SLMAP: variants seen among roughly 807,000 people sequenced by gnomAD.
SLMAP encodes sarcolemma associated protein, also known as sarcolemmal membrane-associated protein.
In SLMAP, 44 loss-of-function variants were observed where a neutral mutation model predicts 128.8. The ratio of observed to expected loss-of-function variants is 0.34; its 90% CI spans 0.27 to 0.44. The LOEUF (loss-of-function observed/expected upper bound fraction) is 0.44. Among genes scored for constraint, SLMAP ranks in the 20% least tolerant of loss-of-function variants. The pLI, the probability that SLMAP is intolerant of heterozygous loss-of-function variation, is 1.00. For synonymous variants in SLMAP, 327 were observed against 348.8 expected (o/e 0.94, Z 0.70); for missense variants, 787 against 985.3 (o/e 0.80, Z 2.69).
intron 17 of SLMAP, chr3:57,898,453 C>A (rs981481827): frequency 2.0e-5 from 3 of 151,566 alleles, no homozygotes; most frequent in Non-Finnish European, 4.4e-5. Flanking sequence ...TTCTTTTTTT[C>A]TTTTTGTAGG....
chr3:57,766,814 T>A (rs2079831548), intron 2 of SLMAP, among the ~76,000 whole-genome samples: 1 of 152,214 alleles, frequency 6.6e-6, no homozygotes. Context: ...TCAGTTCCAA[T>A]GTGAAACCTT....
chr3:57,823,954 A>T (rs2092732433), intron 2 of SLMAP, among the ~76,000 whole-genome samples: 1 of 152,084 alleles, frequency 6.6e-6, no homozygotes, highest in Admixed American at 6.6e-5. Flanking sequence ...TTTGATTTGC[A>T]TTTCTCTGAT....
intron 2 of SLMAP, among the ~76,000 whole-genome samples, chr3:57,767,970 A>G (rs1307352223): frequency 6.6e-6 from 1 of 152,220 alleles, no homozygotes; most frequent in Non-Finnish European, 1.5e-5. Flanking sequence ...GAGTCAGCTA[A>G]CATTTTTAAA....
chr3:57,904,123 G>GTTAT (rs1200686156), intron 17 of SLMAP, among the ~76,000 whole-genome samples: 1,921 of 152,274 alleles, frequency 0.013, 28 homozygotes, highest in African/African-American at 0.044. Context: ...CGATTTGTTT[G>GTTAT]AATATAGTCA....
intron 17 of SLMAP, chr3:57,898,741 C>T (rs968574494): frequency 1.3e-5 from 2 of 152,172 alleles, no homozygotes. Flanking sequence ...TATAAAGACA[C>T]AAGAGCATTA....
intron 2 of SLMAP, among the ~76,000 whole-genome samples, chr3:57,797,100 T>C (rs1443942307): frequency 4.0e-5 from 6 of 150,522 alleles, no homozygotes; most frequent in Admixed American, 2.7e-4. Context: ...AAGGATCACT[T>C]GAGCCCAGGA....
chr3:57,785,861 T>C (rs927644260), intron 2 of SLMAP, among the ~76,000 whole-genome samples: 1 of 152,232 alleles, frequency 6.6e-6, no homozygotes, highest in Non-Finnish European at 1.5e-5. Context: ...TATTTTTGTA[T>C]AACATTTTCA....
chr3:57,815,766 C>T (rs1055124076), intron 2 of SLMAP, among the ~76,000 whole-genome samples: 1 of 151,978 alleles, frequency 6.6e-6, no homozygotes, highest in Admixed American at 6.6e-5. Context: ...GGCACTGCAC[C>T]AGCCTTTTTA....
intron 2 of SLMAP, among the ~76,000 whole-genome samples, chr3:57,762,183 A>G (rs913755446): frequency 6.6e-6 from 1 of 151,912 alleles, no homozygotes; most frequent in Non-Finnish European, 1.5e-5. Flanking sequence ...CCTGGCTAAC[A>G]CGGTGAAACC....
At chr3:57,792,147 T>C (rs1198359977) in intron 2 of SLMAP, among the ~76,000 whole-genome samples, 1 of 152,082 alleles carries the variant, frequency 6.6e-6, no homozygotes, top group Non-Finnish European at 1.5e-5. Context: ...TGAGTAAATA[T>C]TTAGATGCGA....
At chr3:57,897,283 G>A (rs955628847) in intron 17 of SLMAP, 40 of 368,516 alleles carry the variant, frequency 1.1e-4, no homozygotes, top group Non-Finnish European at 1.7e-4. Flanking sequence ...AAGACTCACC[G>A]GTTTACTCTG....
intron 6 of SLMAP, among the ~76,000 whole-genome samples, chr3:57,852,695 A>G (rs1190878979): frequency 1.3e-5 from 2 of 152,196 alleles, no homozygotes; most frequent in Non-Finnish European, 2.9e-5. Flanking sequence ...TTTAAACCTC[A>G]TTTTTCATAT....
At chr3:57,869,645 T>TATATAC (rs2095429428) in intron 13 of SLMAP, among the ~76,000 whole-genome samples, 1 of 134,204 alleles carries the variant, frequency 7.5e-6, no homozygotes, top group Non-Finnish European at 1.6e-5. Flanking sequence ...TATATATATA[T>TATATAC]ATATATATAT....
chr3:57,914,237 T>A lies in SLMAP; in HGVS notation c.2138+962T>A, dbSNP rs567260649. Among the ~76,000 whole-genome samples the A allele has an allele frequency of 2.0e-5, 3 of 151,976 alleles. No individual in the cohort carries two copies. The South Asian group carries it at 6.2e-4, about 32-fold the overall frequency. ...CGGGTGTGGACATTATGAAACAACA[T>A]CTCTACAAAAAATACAACAAATTAG... On this transcript the variant is annotated intron_variant, in intron 21 of 24. Coordinates refer to ENST00000671191, the MANE Select transcript of SLMAP (RefSeq NM_001377540.1).
At position 57,896,558 on chromosome 3, in the gene SLMAP, C is replaced by G; in HGVS notation, c.1408C>G (p.Pro470Ala). The change falls in exon 16 of 25, where the codon CCA becomes GCA. Residue 470 changes from proline to alanine, a missense_variant. Physicochemically the swap from Pro to Ala is conservative, Grantham distance 27. Coordinates refer to ENST00000671191, the MANE Select transcript of SLMAP (RefSeq NM_001377540.1). ...ATCTGATTTTTCAGATACTCTGAGT[C>G]CAAGCAAGGAAAAAAGCAGTGACGA... ...KESDFSDTLS[P>A]SKEKSSDDTT... is the part of the protein sequence containing the mutation. The G allele has an allele frequency of 6.2e-7, 1 of 1,609,726 alleles. No homozygotes were observed. Among genetic ancestry groups the G allele is most frequent in the Non-Finnish European group, 8.5e-7 (1 of 1,178,456 alleles).
At chr3:57,870,955 G>C (rs2095467841) in intron 13 of SLMAP, among the ~76,000 whole-genome samples, 2 of 152,198 alleles carry the variant, frequency 1.3e-5, no homozygotes, top group South Asian at 4.1e-4. Context: ...TAACCACTAT[G>C]TTACATTTTT....
chr3:57,867,807 TTAAAA>T (rs2095347656), intron 13 of SLMAP, among the ~76,000 whole-genome samples: 1 of 152,214 alleles, frequency 6.6e-6, no homozygotes, highest in Non-Finnish European at 1.5e-5. Context: ...TCTGAAGATG[TTAAAA>T]TTAATAATAC....
Position 57,912,685 on chromosome 3 carries a change from A to C in SLMAP, c.2004A>C (p.Glu668Asp). 1.2e-6 allele frequency: 2 copies of C among 1,611,218 alleles called. No homozygotes were observed. The highest frequency in any genetic ancestry group is 1.7e-6 in the Non-Finnish European group (2 of 1,177,700). The change falls in exon 20 of 25, where the codon GAA becomes GAC. Residue 668 changes from glutamate to aspartate, a missense_variant. Glu to Asp is a conservative substitution (Grantham distance 45). Transcript: ENST00000671191. ...CQQCEDQQREEATRLQGELEK... is the reference protein window; with the variant it reads ...CQQCEDQQREDATRLQGELEK... ...AGTGTGAGGACCAGCAGAGAGAAGA[A>C]GCAACAAGGTTGCAAGGTGAATAAA...
chr3:57,806,861 A>G (rs1211106663), intron 2 of SLMAP, among the ~76,000 whole-genome samples: 1 of 152,234 alleles, frequency 6.6e-6, no homozygotes, highest in Non-Finnish European at 1.5e-5. Context: ...AATGATTTAT[A>G]TTCCTTTGGG....
Sources: allele counts gnomAD v4.1 joint callset (sites outside exome capture counted in the v4.1 genomes callset), GRCh38; gene constraint gnomAD v4.1.1; transcripts MANE v1.5; gene names NCBI Gene and HGNC (gene_info 2026-07-23, HGNC 2026-07-21).